Variants in PRDM15 observed in about 807,000 individuals in gnomAD.
The protein encoded by PRDM15 is PR/SET domain 15.
In PRDM15, 64 loss-of-function variants were observed where a neutral mutation model predicts 128.6. That is an observed-to-expected ratio of 0.50 (90% confidence interval 0.41 to 0.61). The LOEUF (loss-of-function observed/expected upper bound fraction) is 0.61, where lower values mean the gene tolerates loss of function less well. Among genes scored for constraint, PRDM15 ranks in the 20% least tolerant of loss-of-function variants. The probability of loss-of-function intolerance (pLI) is 0.00; values close to 1 mark genes in which losing one functional copy is unlikely to be tolerated. For synonymous variants in PRDM15, 615 were observed against 621.8 expected, an observed-to-expected ratio of 0.99 and a Z score of 0.16; for missense variants, 1,242 against 1,569.1, an observed-to-expected ratio of 0.79 and a Z score of 3.52.
At chr21:41,820,317 T>C (rs553241923) in intron 16 of PRDM15, 143 bp from the exon 17 acceptor site, 1 of 661,652 alleles carries the variant, frequency 1.5e-6, no homozygotes, top group African/African-American at 1.8e-5. Flanking sequence ...TTTGAGCCTC[T>C]GCCACGGGCT....
rs375940943 is a variant in PRDM15, at chr21:41,854,726, G to A, written c.378C>T (p.Ala126=). ...GGTAGGCCGTCAGGTTCTGGTGCTC[G>A]GCCTCCGCCGCTGGCCGCACCAGCA... is the stretch of plus-strand genomic sequence containing the variant. The part of the protein sequence containing the change: ...WMMLVRPAAE[A]EHQNLTAYQH... Residue 126 remains alanine (A), a synonymous_variant, in exon 5 of 24, where the codon GCC becomes GCT. Coordinates refer to ENST00000398548, the MANE Select transcript of PRDM15 (RefSeq NM_001040424.3). This position sits in a 1 kb window ranked among gnomAD's most constrained non-coding sequence, Gnocchi z 4.6. The A allele has an allele frequency of 2.5e-4, 400 of 1,613,086 alleles. 1 individual carries two copies. The highest frequency in any genetic ancestry group is 3.1e-4 in the Non-Finnish European group (371 of 1,179,926).
chr21:41,826,805 G>A (rs559683896), intron 12 of PRDM15, among the ~76,000 whole-genome samples: 72 of 152,272 alleles, frequency 4.7e-4, no homozygotes, highest in Middle Eastern at 3.4e-3. Flanking sequence ...AGTCTGAGGC[G>A]CAGCTTAGAC....
intron 21 of PRDM15, among the ~76,000 whole-genome samples, chr21:41,807,695 T>C (rs756712212): frequency 1.3e-5 from 2 of 152,126 alleles, no homozygotes; most frequent in African/African-American, 2.4e-5. Context: ...ACATCACTGG[T>C]AGGCATTTGT....
At chr21:41,869,603 C>T (rs576158823) in intron 1 of PRDM15, among the ~76,000 whole-genome samples, 251 of 152,190 alleles carry the variant, frequency 1.6e-3, no homozygotes, top group African/African-American at 5.3e-3. Flanking sequence ...TGCACCACCA[C>T]GCCTGGCTAA....
chr21:41,855,898 CTT>C (rs1568993728), intron 4 of PRDM15, among the ~76,000 whole-genome samples: 24 of 69,176 alleles, frequency 3.5e-4, no homozygotes, highest in Admixed American at 1.5e-3. Flanking sequence ...TCTTTCCTTC[CTT>C]CCTTCCTTTC....
chr21:41,804,321 C>T (rs2061497969), intron 22 of PRDM15, among the ~76,000 whole-genome samples: 3 of 152,176 alleles, frequency 2.0e-5, no homozygotes, highest in Non-Finnish European at 2.9e-5. Flanking sequence ...GTGAGATACA[C>T]CAGTATTCAA....
rs1568879309 is a variant in PRDM15 at position 41,805,991 on chromosome 21, C to CCACCACCACCACCAT, written c.2653-1392_2653-1378dup. Among the ~76,000 whole-genome samples the CCACCACCACCACCAT allele has an allele frequency of 4.5e-5, 4 of 89,234 alleles. 1 individual carries two copies. In the Middle Eastern group the frequency reaches 0.016, roughly 368 times the overall value. 58.5% of individuals were successfully genotyped at this position (89,234 alleles called of 152,430 possible). A position where few individuals can be genotyped will look rare whatever the true frequency, so the allele number is the denominator to read the frequency against. On this transcript the variant is annotated intron_variant, in intron 21 of 23. Transcript: ENST00000398548. ...ACTGCCATTCCTATCACCACTATCA[C>CCACCACCACCACCAT]CACCACCACCACCATCACCACCACC...
intron 1 of PRDM15, among the ~76,000 whole-genome samples, chr21:41,872,355 C>A (rs1487514910): frequency 6.6e-6 from 1 of 152,194 alleles, no homozygotes; most frequent in Non-Finnish European, 1.5e-5. Flanking sequence ...CTCTTCCCCT[C>A]CCCTCATTTC....
chr21:41,821,559 G>A lies in PRDM15; in HGVS notation c.1897-329C>T. ...AGGAGAGAAGGGGAGGGGAAAAGGG[G>A]AGGAGAGAGGCGCCCCAGCCTGCAG... is the stretch of plus-strand genomic sequence containing the variant. On this transcript the variant is annotated intron_variant, in intron 15 of 23. Transcript: ENST00000398548. This position sits in a 1 kb window ranked among gnomAD's most constrained non-coding sequence, Gnocchi z 5.4. Among the ~76,000 whole-genome samples, 1 of 152,168 alleles carries A rather than the reference G, an allele frequency of 6.6e-6. No homozygotes were observed. The highest frequency in any genetic ancestry group is 1.9e-4 in the East Asian group (1 of 5,190).
chr21:41,801,567 C>G lies in PRDM15; in HGVS notation c.3099G>C (p.Gln1033His). The G allele has an allele frequency of 6.2e-7, 1 of 1,614,178 alleles. No individual in the cohort carries two copies. Among genetic ancestry groups the G allele is most frequent in the Non-Finnish European group, 8.5e-7 (1 of 1,180,032 alleles). Residue 1033 changes from glutamine to histidine, a missense_variant, in exon 24 of 24, where the codon CAG becomes CAC. Physicochemically the swap from Gln to His is conservative, Grantham distance 24 (BLOSUM62 0). Coordinates refer to ENST00000398548, the MANE Select transcript of PRDM15 (RefSeq NM_001040424.3). ...AVGHLTTPER[Q>H]LQLDNSILTV... ...TCAGGATTGAGTTGTCCAGCTGTAACTGGCGTTCAGGGGTGGTAAGGTGCC... is the reference window on the plus strand; with the variant it reads ...TCAGGATTGAGTTGTCCAGCTGTAAGTGGCGTTCAGGGGTGGTAAGGTGCC...
chr21:41,878,769 AG>A, intron 1 of PRDM15: 1 of 1,466,556 alleles, frequency 6.8e-7, no homozygotes. Context: ...GCTGTACCCG[AG>A]GGCGGGGGAT....
Position 41,874,525 on chromosome 21 carries a change from A to ATATTTTT in PRDM15, c.-10+4744_-10+4745insAAAAATA. Among the ~76,000 whole-genome samples, 129 of 95,788 alleles carry ATATTTTT rather than the reference A, an allele frequency of 1.3e-3. 2 individuals carry two copies. The highest frequency in any genetic ancestry group is 2.9e-3 in the African/African-American group (70 of 24,102). The allele number at this position is 95,788 out of a possible 152,430, so 62.8% of individuals were successfully genotyped here. A position where few individuals can be genotyped will look rare whatever the true frequency, so the allele number is the denominator to read the frequency against. On this transcript the variant is annotated intron_variant, in intron 1 of 23. Coordinates refer to ENST00000398548, the MANE Select transcript of PRDM15 (RefSeq NM_001040424.3). ...TGCATATATATATATATATATATAT[A>ATATTTTT]TTTTTTTTTTTTTTTGAAACTTACA...
chr21:41,798,762 C>T lies in PRDM15; in HGVS notation c.*2478G>A, dbSNP rs904737563. On this transcript the variant is annotated 3_prime_UTR_variant, in exon 24 of 24. Transcript: ENST00000398548. ...TGTGCACCTGGGATCAGTTAAAAAA[C>T]GAAATACTTCCTGTCATGATGATCA... is the stretch of plus-strand genomic sequence containing the variant. The T allele has an allele frequency of 5.9e-5, 9 of 152,332 alleles. No individual in the cohort carries two copies. The highest frequency in any genetic ancestry group is 1.9e-4 in the East Asian group (1 of 5,188). 9.4% of individuals were successfully genotyped at this position (152,332 alleles called of 1,614,324 possible).
intron 5 of PRDM15, among the ~76,000 whole-genome samples, chr21:41,847,889 T>C (rs1349030717): frequency 6.6e-6 from 1 of 152,246 alleles, no homozygotes; most frequent in African/African-American, 2.4e-5. Context: ...TGGGGGTACA[T>C]GGCATGCGGT....
rs912053834 is a variant in PRDM15 at position 41,859,425 on chromosome 21, G to A, written c.131+167C>T. ...TGAAGCACGTGTTTTGGTGTGTCCC[G>A]GCAGCAACGCTGCTCAGTTCACAGT... On this transcript the variant is annotated intron_variant, in intron 3 of 23. Coordinates refer to ENST00000398548, the MANE Select transcript of PRDM15 (RefSeq NM_001040424.3). This position sits in a 1 kb window ranked among gnomAD's most constrained non-coding sequence, Gnocchi z 5.3. Among the ~76,000 whole-genome samples the A allele has an allele frequency of 6.6e-6, 1 of 152,142 alleles. No individual in the cohort carries two copies. The highest frequency in any genetic ancestry group is 1.5e-5 in the Non-Finnish European group (1 of 68,032).
chr21:41,873,575 C>T (rs1279385158), intron 1 of PRDM15, among the ~76,000 whole-genome samples: 1 of 152,236 alleles, frequency 6.6e-6, no homozygotes, highest in African/African-American at 2.4e-5. Flanking sequence ...ATGCTGTGCA[C>T]TGACTGGGCC....
chr21:41,874,296 G>A (rs950092292), intron 1 of PRDM15, among the ~76,000 whole-genome samples: 1 of 151,800 alleles, frequency 6.6e-6, no homozygotes, highest in Non-Finnish European at 1.5e-5. Flanking sequence ...AATAGGCAGA[G>A]AGCAAAGCCT....
Position 41,859,191 on chromosome 21 carries a change from C to T in PRDM15, c.131+401G>A, listed in dbSNP as rs1238799071. On this transcript the variant is annotated intron_variant, in intron 3 of 23. Transcript: ENST00000398548. This position sits in a 1 kb window ranked among gnomAD's most constrained non-coding sequence, Gnocchi z 5.3. Reference sequence around the variant, plus strand: ...TCCTCATAACCCCGCATCCCCTGCCCCGCCTGGGTGTGCACGTGTCCGCTG... The same window carrying T: ...TCCTCATAACCCCGCATCCCCTGCCTCGCCTGGGTGTGCACGTGTCCGCTG... 3.7e-6 allele frequency: 6 copies of T among 1,613,984 alleles called. No homozygotes were observed. The highest frequency in any genetic ancestry group is 1.1e-5 in the South Asian group (1 of 91,070).
chr21:41,870,223 C>T (rs2064163405), intron 1 of PRDM15, among the ~76,000 whole-genome samples: 1 of 152,090 alleles, frequency 6.6e-6, no homozygotes, highest in South Asian at 2.1e-4. Flanking sequence ...AATATTATGT[C>T]AACATCTATT....
Sources: allele counts gnomAD v4.1 joint callset (sites outside exome capture counted in the v4.1 genomes callset), GRCh38; gene constraint gnomAD v4.1.1; non-coding constraint Gnocchi (gnomAD v3.1); transcripts MANE v1.5; gene names NCBI Gene and HGNC (gene_info 2026-07-23, HGNC 2026-07-21).